The following ACCSL variants were observed in gnomAD, a reference collection of about 807,000 sequenced individuals.
ACCSL encodes 1-aminocyclopropane-1-carboxylate synthase homolog (inactive) like, also known as probable inactive 1-aminocyclopropane-1-carboxylate synthase-like protein 2.
In ACCSL, 55 loss-of-function variants were observed where a neutral mutation model predicts 61.7. The ratio of observed to expected loss-of-function variants is 0.89; its 90% CI spans 0.72 to 1.12. ACCSL has a LOEUF of 1.12. ACCSL is among the 50% of genes most tolerant of loss of function. The pLI is 0.00. For missense variants in ACCSL, 632 were observed against 698.0 expected (o/e 0.91, Z 1.07); for synonymous variants, 258 against 264.3 (o/e 0.98, Z 0.23).
chr11:44,029,969 TTTTTATTTTATTTTA>T, the ACCSL span, among the ~76,000 whole-genome samples: 3,386 of 94,480 alleles, frequency 0.036, 155 homozygotes, highest in African/African-American at 0.1. Context: ...CTGGGCCTTG[TTTTTATTTTATTTTA>T]TTTTATTTTA....
At chr11:44,059,795 T>C in intron 13 of ACCSL, 43 bp from the exon 14 acceptor site, 1 of 1,579,284 alleles carries the variant, frequency 6.3e-7, no homozygotes, top group Non-Finnish European at 8.7e-7. Context: ...CCAGCAAACC[T>C]ACTAAATCAC....
the ACCSL span, chr11:43,995,348 A>G: frequency 6.6e-6 from 1 of 152,180 alleles, no homozygotes. Context: ...TCGAAGGAGG[A>G]CATCTTCAGT....
the ACCSL span, among the ~76,000 whole-genome samples, chr11:43,937,751 G>C: frequency 6.6e-6 from 1 of 151,892 alleles, no homozygotes; most frequent in Non-Finnish European, 1.5e-5. Context: ...GATGTCGAAG[G>C]GTCTCTTAGA....
At chr11:43,943,418 G>T in the ACCSL span, 6 of 1,444,130 alleles carry the variant, frequency 4.2e-6, no homozygotes, top group African/African-American at 1.5e-5. The surrounding 1 kb of genome is among the most constrained non-coding windows in gnomAD (Gnocchi z 4.8). Flanking sequence ...CTCCCGCCCC[G>T]CTGCGAACCG....
chr11:43,986,537 C>T, the ACCSL span, among the ~76,000 whole-genome samples: 90 of 152,264 alleles, frequency 5.9e-4, no homozygotes, highest in African/African-American at 2.1e-3. Context: ...CCACTGTGGC[C>T]ATTCTTTGAT....
the ACCSL span, among the ~76,000 whole-genome samples, chr11:44,004,481 AGCTG>A: frequency 6.6e-6 from 1 of 152,058 alleles, no homozygotes; most frequent in Non-Finnish European, 1.5e-5. Flanking sequence ...GGCCAAGCTG[AGCTG>A]AGCTGAGCTG....
chr11:43,932,831 C>T, the ACCSL span, among the ~76,000 whole-genome samples: 3 of 152,218 alleles, frequency 2.0e-5, no homozygotes, highest in African/African-American at 7.2e-5. Context: ...AGCTGCTTCC[C>T]AGAACTCGGA....
At chr11:44,034,270 G>T in the ACCSL span, among the ~76,000 whole-genome samples, 3 of 152,196 alleles carry the variant, frequency 2.0e-5, no homozygotes, top group Admixed American at 6.5e-5. Context: ...GGTCAGCGAG[G>T]CACAGGTGGG....
chr11:43,999,671 T>C, the ACCSL span, among the ~76,000 whole-genome samples: 2 of 152,110 alleles, frequency 1.3e-5, no homozygotes, highest in Non-Finnish European at 2.9e-5. Flanking sequence ...CCAGCTACTA[T>C]GTCTGGCCCA....
At chr11:43,933,996 C>A in the ACCSL span, among the ~76,000 whole-genome samples, 62 of 152,056 alleles carry the variant, frequency 4.1e-4, no homozygotes, top group Non-Finnish European at 4.0e-4. Context: ...ATGGGGCCAC[C>A]GGGGCGGGGC....
chr11:44,008,584 A>G, the ACCSL span, among the ~76,000 whole-genome samples: 3 of 152,240 alleles, frequency 2.0e-5, no homozygotes, highest in African/African-American at 7.2e-5. Flanking sequence ...ATGGCTTGGG[A>G]CCGGCTGTAT....
the ACCSL span, among the ~76,000 whole-genome samples, chr11:43,946,621 A>G: frequency 6.6e-6 from 1 of 152,218 alleles, no homozygotes; most frequent in African/African-American, 2.4e-5. Context: ...ATTTGCATTT[A>G]GTATCAGTAT....
chr11:43,960,215 T>C, the ACCSL span, among the ~76,000 whole-genome samples: 927 of 152,252 alleles, frequency 6.1e-3, 14 homozygotes, highest in African/African-American at 0.021. Context: ...TGTTCTGAGG[T>C]TTATCAATTA....
the ACCSL span, among the ~76,000 whole-genome samples, chr11:43,987,937 G>A: frequency 1.1e-3 from 160 of 150,932 alleles, 1 homozygote; most frequent in African/African-American, 3.7e-3. Flanking sequence ...CCACCCCCCC[G>A]CAGGGAATTT....
chr11:43,941,833 T>C, the ACCSL span, among the ~76,000 whole-genome samples: 1 of 152,166 alleles, frequency 6.6e-6, no homozygotes, highest in Non-Finnish European at 1.5e-5. Flanking sequence ...ACAGAGCTCA[T>C]GGTTGGCTTG....
chr11:43,947,503 A>G, the ACCSL span, among the ~76,000 whole-genome samples: 2 of 152,060 alleles, frequency 1.3e-5, no homozygotes, highest in African/African-American at 2.4e-5. Flanking sequence ...CAGATATTAG[A>G]AGAGGAGGGA....
At chr11:44,002,465 C>T in the ACCSL span, among the ~76,000 whole-genome samples, 335 of 152,254 alleles carry the variant, frequency 2.2e-3, 4 homozygotes, top group Middle Eastern at 0.01. Flanking sequence ...TCGAGCACAC[C>T]ACTTTCCTCT....
At chr11:43,924,943 C>T in the ACCSL span, 213 of 159,984 alleles carry the variant, frequency 1.3e-3, no homozygotes, top group African/African-American at 4.8e-3. Flanking sequence ...GTGTCTCCTT[C>T]GGGTTGTTTC....
chr11:43,998,395 T>G, the ACCSL span, among the ~76,000 whole-genome samples: 1 of 152,166 alleles, frequency 6.6e-6, no homozygotes, highest in Non-Finnish European at 1.5e-5. Flanking sequence ...TCTCCTCCCA[T>G]GTCCCCATTT....
Sources: gnomAD v4.1 joint callset for allele counts (sites outside exome capture counted in the v4.1 genomes callset) on GRCh38, gnomAD v4.1.1 for gene constraint, Gnocchi (gnomAD v3.1) non-coding constraint, MANE v1.5 for transcripts, NCBI Gene and HGNC (gene_info 2026-07-23, HGNC 2026-07-21) for gene names.